WWOX: variants seen among roughly 807,000 people sequenced by gnomAD.
The protein encoded by WWOX is WW domain containing oxidoreductase.
WWOX carries 69 observed loss-of-function variants against 46.2 expected under a neutral mutation model. That is an observed-to-expected ratio of 1.49 (90% CI 1.23 to 1.82). WWOX has a LOEUF of 1.82. WWOX is among the 40% of genes most tolerant of loss of function. The probability of loss-of-function intolerance (pLI) is 0.00; values close to 1 mark genes in which losing one functional copy is unlikely to be tolerated. For synonymous variants in WWOX, 359 were observed against 202.6 expected (o/e 1.77, Z -6.56); for missense variants, 919 against 542.6 (o/e 1.69, Z -6.89).
intron 8 of WWOX, among the ~76,000 whole-genome samples, chr16:79,126,599 G>A (rs780010653): frequency 6.6e-6 from 1 of 152,162 alleles, no homozygotes; most frequent in African/African-American, 2.4e-5. Flanking sequence ...ATGTGAAACG[G>A]TGAGTCAATT....
intron 6 of WWOX, among the ~76,000 whole-genome samples, chr16:78,390,173 T>C (rs142303277): frequency 6.6e-6 from 1 of 152,244 alleles, no homozygotes; most frequent in Non-Finnish European, 1.5e-5. Flanking sequence ...CCTCATAGCA[T>C]GTGAGATCTC....
At chr16:78,885,618 C>G (rs1432574316) in intron 8 of WWOX, among the ~76,000 whole-genome samples, 1 of 152,156 alleles carries the variant, frequency 6.6e-6, no homozygotes, top group Non-Finnish European at 1.5e-5. Context: ...GCCTCAGTCT[C>G]TGATTTATTT....
At chr16:78,457,838 C>A (rs2083856673) in intron 8 of WWOX, among the ~76,000 whole-genome samples, 2 of 147,244 alleles carry the variant, frequency 1.4e-5, no homozygotes. Context: ...ATGGCCTGAT[C>A]CCGGGAGGCG....
chr16:78,770,492 A>G (rs1209209139), intron 8 of WWOX, among the ~76,000 whole-genome samples: 1 of 152,210 alleles, frequency 6.6e-6, no homozygotes, highest in African/African-American at 2.4e-5. Flanking sequence ...GGACTGGGCC[A>G]TGGCCCATTG....
rs774229207 is a variant in WWOX at position 78,866,641 on chromosome 16, G to A, written c.1057-344967G>A. On this transcript the variant is annotated intron_variant, in intron 8 of 8. Transcript: ENST00000566780. The stretch of plus-strand genomic sequence containing the variant: ...TCCCCTGTGAGCCTATTTGGCTCCT[G>A]GCGGTGTTTTTGTTGCCCTGGCTTG... Among the ~76,000 whole-genome samples the A allele has an allele frequency of 6.6e-5, 10 of 152,168 alleles. No individual in the cohort carries two copies. In the South Asian group the frequency reaches 2.1e-3, roughly 32 times the overall value.
chr16:78,193,019 G>A (rs7204985), intron 5 of WWOX, among the ~76,000 whole-genome samples: 52,685 of 152,112 alleles, frequency 0.35, 9,443 homozygotes, highest in South Asian at 0.45. Context: ...CCACAGTCAC[G>A]GGTGGGCTTT....
chr16:78,750,547 G>A (rs2049451290), intron 8 of WWOX, among the ~76,000 whole-genome samples: 1 of 151,696 alleles, frequency 6.6e-6, no homozygotes, highest in Admixed American at 6.6e-5. Context: ...TGGATATCTT[G>A]CAAGATACTG....
intron 8 of WWOX, among the ~76,000 whole-genome samples, chr16:78,575,327 T>A (rs996944090): frequency 2.7e-5 from 4 of 150,788 alleles, no homozygotes; most frequent in African/African-American, 9.7e-5. Flanking sequence ...CTGTTCCTAG[T>A]TAGTATTTAG....
At chr16:78,799,581 G>C (rs967172792) in intron 8 of WWOX, among the ~76,000 whole-genome samples, 2 of 150,920 alleles carry the variant, frequency 1.3e-5, no homozygotes, top group East Asian at 3.9e-4. Context: ...GGGTGAGGCT[G>C]TCAGAAGCCG....
chr16:78,193,214 G>A (rs2035937640), intron 5 of WWOX, among the ~76,000 whole-genome samples: 1 of 152,204 alleles, frequency 6.6e-6, no homozygotes, highest in Non-Finnish European at 1.5e-5. Context: ...AATGTATTCT[G>A]CCCACAGGAA....
chr16:79,046,464 C>G (rs989052926), intron 8 of WWOX, among the ~76,000 whole-genome samples: 3 of 152,178 alleles, frequency 2.0e-5, no homozygotes, highest in Admixed American at 6.5e-5. Context: ...ACTGGGAAGT[C>G]TAAGATTAAG....
intron 5 of WWOX, among the ~76,000 whole-genome samples, chr16:78,205,201 A>T (rs187403352): frequency 2.6e-5 from 4 of 152,196 alleles, no homozygotes; most frequent in East Asian, 1.9e-4. Flanking sequence ...AGTGATGGGG[A>T]TGGAATGTGG....
chr16:79,022,149 C>G (rs1259797956), intron 8 of WWOX, among the ~76,000 whole-genome samples: 1 of 152,152 alleles, frequency 6.6e-6, no homozygotes, highest in East Asian at 1.9e-4. Flanking sequence ...AAGCACCAAG[C>G]AATTTGCTTT....
At chr16:78,480,896 G>C (rs918720707) in intron 8 of WWOX, among the ~76,000 whole-genome samples, 7 of 152,172 alleles carry the variant, frequency 4.6e-5, no homozygotes, top group African/African-American at 1.7e-4. Context: ...ATGAACAAGA[G>C]ACTTACAAAC....
chr16:78,959,133 GC>G (rs1792076800), intron 8 of WWOX, among the ~76,000 whole-genome samples: 1 of 152,122 alleles, frequency 6.6e-6, no homozygotes, highest in Non-Finnish European at 1.5e-5. Flanking sequence ...CGAACTTACC[GC>G]TAGGTATTTC....
chr16:79,075,993 A>G (rs1204065572), intron 8 of WWOX, among the ~76,000 whole-genome samples: 1 of 152,162 alleles, frequency 6.6e-6, no homozygotes, highest in Non-Finnish European at 1.5e-5. Flanking sequence ...AAAATAAAGT[A>G]TTTGTTGAAG....
At chr16:78,346,620 T>A (rs4402580) in intron 5 of WWOX, among the ~76,000 whole-genome samples, 65,547 of 116,246 alleles carry the variant, frequency 0.56, 26,985 homozygotes, top group African/African-American at 0.79. Context: ...TGTTGTATAT[T>A]TTTTTTTAAT....
intron 8 of WWOX, among the ~76,000 whole-genome samples, chr16:78,595,634 G>A (rs1415490889): frequency 9.2e-5 from 14 of 152,238 alleles, no homozygotes; most frequent in Non-Finnish European, 1.5e-5. Context: ...GCTGACCAGT[G>A]TGGATGTCTT....
chr16:78,140,071 A>G (rs937975388), intron 4 of WWOX, among the ~76,000 whole-genome samples: 1 of 152,166 alleles, frequency 6.6e-6, no homozygotes, highest in Non-Finnish European at 1.5e-5. Context: ...AATCTCTAGG[A>G]TGGAAATGGG....
Sources: gnomAD v4.1 joint callset for allele counts (sites outside exome capture counted in the v4.1 genomes callset) on GRCh38, gnomAD v4.1.1 for gene constraint, MANE v1.5 for transcripts, NCBI Gene and HGNC (gene_info 2026-07-23, HGNC 2026-07-21) for gene names.